HUNK: variants seen among roughly 807,000 people sequenced by gnomAD.
HUNK encodes the protein hormonally up-regulated Neu-associated kinase.
HUNK carries 21 observed loss-of-function variants against 61.0 expected under a neutral mutation model. That is an observed-to-expected ratio of 0.34 (90% confidence interval 0.24 to 0.50). HUNK has a LOEUF of 0.50. Ranked by LOEUF, HUNK falls within the 20% of genes least tolerant of loss-of-function variation. The pLI is 0.98. For synonymous variants in HUNK, 371 were observed against 386.1 expected (o/e 0.96, Z 0.46); for missense variants, 772 against 945.7 (o/e 0.82, Z 2.41).
At chr21:31,881,413 G>T in intron 1 of HUNK, among the ~76,000 whole-genome samples, 1 of 152,102 alleles carries the variant, frequency 6.6e-6, no homozygotes, top group Non-Finnish European at 1.5e-5. Flanking sequence ...GATCACCTGA[G>T]GTCAGGAGTT....
intron 1 of HUNK, among the ~76,000 whole-genome samples, chr21:31,883,547 A>G (rs1460075197): frequency 6.6e-6 from 1 of 152,066 alleles, no homozygotes; most frequent in East Asian, 1.9e-4. Context: ...TATATTTTGC[A>G]GTGTCTACCA....
intron 1 of HUNK, among the ~76,000 whole-genome samples, chr21:31,892,576 A>G (rs1204948683): frequency 1.3e-5 from 2 of 151,630 alleles, no homozygotes; most frequent in Non-Finnish European, 2.9e-5. Flanking sequence ...TCTGAAAAAA[A>G]AAAAAAAAAA....
chr21:31,981,605 AT>A (rs1177978572), intron 7 of HUNK, among the ~76,000 whole-genome samples: 1 of 151,970 alleles, frequency 6.6e-6, no homozygotes. Context: ...TAAGCATTTG[AT>A]TTTTTTATGG....
intron 1 of HUNK, among the ~76,000 whole-genome samples, chr21:31,887,188 G>C (rs912358385): frequency 3.3e-5 from 5 of 152,150 alleles, no homozygotes; most frequent in Non-Finnish European, 7.3e-5. Flanking sequence ...TAGGCACCTA[G>C]GTATCTGAGT....
intron 4 of HUNK, among the ~76,000 whole-genome samples, chr21:31,947,533 T>G (rs1431555467): frequency 1.3e-5 from 2 of 152,224 alleles, no homozygotes; most frequent in Non-Finnish European, 2.9e-5. Flanking sequence ...TTTAAATCCA[T>G]TCCTCTCCTG....
In HUNK at chr21:31,995,753, G is replaced by T. The variant is rs775429945; in HGVS notation, c.1306-15G>T. 12 of 1,608,652 alleles carry T rather than the reference G, an allele frequency of 7.5e-6. No homozygotes were observed. In the East Asian group the frequency reaches 2.0e-4, roughly 27 times the overall value. On this transcript the variant is annotated splice_polypyrimidine_tract_variant and intron_variant, in intron 9 of 10. Transcript: ENST00000270112. Reference sequence around the variant, plus strand: ...AGTATGTGTCTAAGTGCATATGTTTGCTTCTGATTTGTAGGATAAAAAGCC... The same window carrying T: ...AGTATGTGTCTAAGTGCATATGTTTTCTTCTGATTTGTAGGATAAAAAGCC...
At chr21:31,996,567 G>T (rs9976519) in intron 10 of HUNK, among the ~76,000 whole-genome samples, 27,838 of 152,082 alleles carry the variant, frequency 0.18, 2,912 homozygotes, top group South Asian at 0.32. Context: ...GATGCAAAAG[G>T]CAGACCTTAC....
intron 2 of HUNK, among the ~76,000 whole-genome samples, chr21:31,937,407 T>A (rs2052739929): frequency 6.6e-6 from 1 of 151,982 alleles, no homozygotes; most frequent in South Asian, 2.1e-4. Flanking sequence ...ATTGTGAGAG[T>A]TTGAGAGACC....
In HUNK at chr21:31,873,947, G is replaced by C; in HGVS notation, c.261+12G>C. 1 of 1,486,648 alleles carries C rather than the reference G, an allele frequency of 6.7e-7. No homozygotes were observed. The highest frequency in any genetic ancestry group is 8.9e-7 in the Non-Finnish European group (1 of 1,118,100). 92.1% of individuals were successfully genotyped at this position (1,486,648 alleles called of 1,614,324 possible). A position where few individuals can be genotyped will look rare whatever the true frequency, so the allele number is the denominator to read the frequency against. On this transcript the variant is annotated intron_variant, in intron 1 of 10. Coordinates refer to ENST00000270112, the MANE Select transcript of HUNK (RefSeq NM_014586.2). This position sits in a 1 kb window ranked among gnomAD's most constrained non-coding sequence, Gnocchi z 6.1. ...TGACCGGGGAGAAGGTGAGTCTCCC[G>C]GGCGCCGTGGGGCTGGGGCACAGGG...
intron 9 of HUNK, 35 bp from the exon 10 acceptor site, chr21:31,995,733 G>A: frequency 1.3e-6 from 2 of 1,552,188 alleles, no homozygotes; most frequent in South Asian, 1.1e-5. Flanking sequence ...CTTCTAGTAT[G>A]TGTCTAAGTG....
intron 2 of HUNK, among the ~76,000 whole-genome samples, chr21:31,934,442 C>CAAAAAAAA (rs35817125): frequency 1.1e-5 from 1 of 88,820 alleles, no homozygotes; most frequent in Non-Finnish European, 2.4e-5. Context: ...GACTCTGCCT[C>CAAAAAAAA]AAAAAAAAAA....
At chr21:31,941,586 C>T (rs141901328) in intron 3 of HUNK, among the ~76,000 whole-genome samples, 1 of 152,294 alleles carries the variant, frequency 6.6e-6, no homozygotes, top group Non-Finnish European at 1.5e-5. Context: ...GGATTACAGG[C>T]ATGAGCCACC....
intron 1 of HUNK, among the ~76,000 whole-genome samples, chr21:31,916,043 CTTTTTT>C (rs34245381): frequency 9.8e-5 from 8 of 81,762 alleles, no homozygotes; most frequent in African/African-American, 1.5e-4. Context: ...TAAGTGCTTT[CTTTTTT>C]TTTTTTTTTT....
intron 2 of HUNK, among the ~76,000 whole-genome samples, chr21:31,930,970 T>C (rs1164917779): frequency 6.6e-6 from 1 of 151,484 alleles, no homozygotes; most frequent in African/African-American, 2.4e-5. Flanking sequence ...GGATGACACA[T>C]TATTCTTGTA....
At chr21:31,947,487 G>T (rs1363522011) in intron 4 of HUNK, among the ~76,000 whole-genome samples, 1 of 152,184 alleles carries the variant, frequency 6.6e-6, no homozygotes, top group Non-Finnish European at 1.5e-5. Context: ...TTTTAATTTC[G>T]TTCTCGGCAC....
At position 31,924,314 on chromosome 21, in the gene HUNK, T is replaced by G. The variant is rs940657654; in HGVS notation, c.262-154T>G. Among the ~76,000 whole-genome samples the G allele has an allele frequency of 6.6e-6, 1 of 151,986 alleles. No homozygotes were observed. The highest frequency in any genetic ancestry group is 2.4e-5 in the African/African-American group (1 of 41,362). On this transcript the variant is annotated intron_variant, in intron 1 of 10. Coordinates refer to ENST00000270112, the MANE Select transcript of HUNK (RefSeq NM_014586.2). The surrounding 1 kb of genome is among the most constrained non-coding windows in gnomAD (Gnocchi z 5.1). ...TGTGGTATATGCATAAATATAAATG[T>G]GTATATATATATTTTCTGTTGATGC...
intron 1 of HUNK, among the ~76,000 whole-genome samples, chr21:31,903,041 C>T (rs57905482): frequency 0.025 from 3,792 of 151,450 alleles, 176 homozygotes; most frequent in African/African-American, 0.087. Flanking sequence ...AATTTGCAAC[C>T]AATAAATCTT....
chr21:31,899,129 G>A (rs916983188), intron 1 of HUNK, among the ~76,000 whole-genome samples: 12 of 140,512 alleles, frequency 8.5e-5, no homozygotes, highest in East Asian at 2.2e-4. Context: ...GGCTGGCAAC[G>A]ACTTCCTGCT....
rs765120313 is a variant in HUNK, at chr21:31,958,903, C to T, written c.807C>T (p.Ser269=). The change falls in exon 5 of 11, where the codon AGC becomes AGT. Residue 269 remains serine, a synonymous_variant. Transcript: ENST00000270112. ...TGCCTTTCACGGTGGAGCCTTTCAG[C>T]CTGAGGGCTTTGTACCAGAAGATGG... ...GTLPFTVEPF[S]LRALYQKMVD... The T allele has an allele frequency of 3.1e-6, 5 of 1,611,338 alleles. No homozygotes were observed. In the South Asian group the frequency reaches 3.3e-5, roughly 11 times the overall value.
Sources: gnomAD v4.1 joint callset for allele counts (sites outside exome capture counted in the v4.1 genomes callset) on GRCh38, gnomAD v4.1.1 for gene constraint, Gnocchi (gnomAD v3.1) non-coding constraint, MANE v1.5 for transcripts, NCBI Gene and HGNC (gene_info 2026-07-23, HGNC 2026-07-21) for gene names.